GABPA: variants seen among roughly 807,000 people sequenced by gnomAD.
GABPA encodes GA-binding protein alpha chain.
A neutral mutation model predicts 59.4 loss-of-function variants in GABPA; 4 were observed. That is an observed-to-expected ratio of 0.07 (90% CI 0.03 to 0.15). The LOEUF (loss-of-function observed/expected upper bound fraction) is 0.15, where lower values mean the gene tolerates loss of function less well. Ranked by LOEUF, GABPA falls within the 10% of genes least tolerant of loss-of-function variation. The pLI is 1.00. For synonymous variants in GABPA, 164 were observed against 183.1 expected, an observed-to-expected ratio of 0.90 and a Z score of 0.84; for missense variants, 251 against 543.8, an observed-to-expected ratio of 0.46 and a Z score of 5.36.
At chr21:25,754,284 G>T (rs1252373180) in intron 5 of GABPA, among the ~76,000 whole-genome samples, 3 of 152,132 alleles carry the variant, frequency 2.0e-5, no homozygotes, top group Non-Finnish European at 4.4e-5. Flanking sequence ...ATAATGGTCT[G>T]CATTGTATTT....
intron 6 of GABPA, among the ~76,000 whole-genome samples, chr21:25,762,002 T>TA (rs1201160341): frequency 1.3e-5 from 2 of 152,220 alleles, no homozygotes; most frequent in African/African-American, 2.4e-5. Flanking sequence ...TCCATATTTT[T>TA]ACATGGCTTT....
chr21:25,753,520 T>C (rs1228697132), intron 5 of GABPA, among the ~76,000 whole-genome samples: 1 of 152,154 alleles, frequency 6.6e-6, no homozygotes, highest in Admixed American at 6.5e-5. Flanking sequence ...AACTTATATG[T>C]ATAGTGTCAC....
At chr21:25,735,910 G>T (rs759518662) in intron 1 of GABPA, among the ~76,000 whole-genome samples, 48 of 152,152 alleles carry the variant, frequency 3.2e-4, no homozygotes, top group Non-Finnish European at 6.6e-4. Context: ...GCACTCCTCA[G>T]CAGTCTCAGC....
At chr21:25,737,888 A>T (rs1048077335) in intron 1 of GABPA, among the ~76,000 whole-genome samples, 2 of 152,122 alleles carry the variant, frequency 1.3e-5, no homozygotes, top group Admixed American at 6.5e-5. Context: ...TGTGGACATT[A>T]TTTCCTTTTA....
At chr21:25,749,205 G>GT (rs1049830242) in intron 4 of GABPA, 85 bp downstream of exon 4, 2 of 770,488 alleles carry the variant, frequency 2.6e-6, no homozygotes, top group Non-Finnish European at 4.3e-6. Flanking sequence ...GTTTTCGATG[G>GT]TTGTCTACAT....
chr21:25,753,552 G>C (rs973521895), intron 5 of GABPA, among the ~76,000 whole-genome samples: 6 of 152,206 alleles, frequency 3.9e-5, no homozygotes, highest in Non-Finnish European at 5.9e-5. Flanking sequence ...GGAGAGTTTG[G>C]ATGGTCAAGA....
intron 3 of GABPA, among the ~76,000 whole-genome samples, chr21:25,748,091 A>G (rs1226785686): frequency 6.6e-6 from 1 of 152,116 alleles, no homozygotes; most frequent in Non-Finnish European, 1.5e-5. Context: ...ATTTGTGTAT[A>G]GACAGGGTTT....
chr21:25,763,894 G>A lies in GABPA; in HGVS notation c.803-316G>A, dbSNP rs931760062. Among the ~76,000 whole-genome samples, 5 of 150,150 alleles carry A rather than the reference G, an allele frequency of 3.3e-5. No individual in the cohort carries two copies. The East Asian group carries it at 9.9e-4, about 30-fold the overall frequency. On this transcript the variant is annotated intron_variant, in intron 7 of 9. Transcript: ENST00000400075. Reference sequence around the variant, plus strand: ...TTTAGTACAATATATTTGACAAACCGTTTTTATGAACAAATGTTTTAAGAA... The same window carrying A: ...TTTAGTACAATATATTTGACAAACCATTTTTATGAACAAATGTTTTAAGAA...
intron 1 of GABPA, among the ~76,000 whole-genome samples, chr21:25,736,953 A>G (rs910038391): frequency 5.3e-5 from 8 of 152,104 alleles, no homozygotes; most frequent in Admixed American, 3.9e-4. Context: ...GTACCCCCAC[A>G]CTCCACTTAT....
intron 2 of GABPA, among the ~76,000 whole-genome samples, chr21:25,744,275 T>C (rs1199633010): frequency 6.6e-6 from 1 of 152,068 alleles, no homozygotes; most frequent in Non-Finnish European, 1.5e-5. Flanking sequence ...GAAGATCAGT[T>C]GAGCTCAGGA....
chr21:25,759,857 A>G (rs757848341), intron 6 of GABPA, among the ~76,000 whole-genome samples: 1 of 152,172 alleles, frequency 6.6e-6, no homozygotes, highest in South Asian at 2.1e-4. Flanking sequence ...TAGTGCATAG[A>G]TGGTAGTTTC....
At chr21:25,739,796 T>G (rs2035173457) in intron 1 of GABPA, among the ~76,000 whole-genome samples, 1 of 152,156 alleles carries the variant, frequency 6.6e-6, no homozygotes, top group African/African-American at 2.4e-5. Context: ...AAAAATGTTT[T>G]TATAGGAGAC....
intron 5 of GABPA, among the ~76,000 whole-genome samples, chr21:25,753,331 T>A (rs1190280521): frequency 1.3e-5 from 2 of 152,208 alleles, no homozygotes; most frequent in East Asian, 1.9e-4. Flanking sequence ...AAAGATGTTA[T>A]ATGAGACTCA....
rs368211500 is a variant in GABPA at position 25,749,138 on chromosome 21, A to G, written c.307+18A>G. The stretch of plus-strand genomic sequence containing the variant: ...TTACCAAGGTAAGTTACTTTTCATG[A>G]TAGTTATTTAAAATTTTAGCTCATG... On this transcript the variant is annotated intron_variant, in intron 4 of 9. Transcript: ENST00000400075. The G allele has an allele frequency of 1.4e-6, 2 of 1,393,006 alleles. No homozygotes were observed. Among genetic ancestry groups the G allele is most frequent in the Non-Finnish European group, 2.0e-6 (2 of 993,792 alleles). The allele number at this position is 1,393,006 out of a possible 1,614,324, so 86.3% of individuals were successfully genotyped here.
intron 9 of GABPA, among the ~76,000 whole-genome samples, chr21:25,766,484 T>C (rs1443010523): frequency 6.6e-6 from 1 of 151,970 alleles, no homozygotes; most frequent in Non-Finnish European, 1.5e-5. Context: ...GACAGAAGTA[T>C]CTAGAATATC....
At chr21:25,753,560 A>G (rs2035564147) in intron 5 of GABPA, among the ~76,000 whole-genome samples, 2 of 152,328 alleles carry the variant, frequency 1.3e-5, no homozygotes, top group East Asian at 3.9e-4. Flanking sequence ...TGGATGGTCA[A>G]GACTCTCAGA....
intron 6 of GABPA, among the ~76,000 whole-genome samples, chr21:25,758,691 A>G (rs2035694090): frequency 6.6e-6 from 1 of 152,182 alleles, no homozygotes. Context: ...AGTCTTTACT[A>G]TTAATTGAAT....
chr21:25,741,729 A>T, intron 2 of GABPA, 54 bp downstream of exon 2: 1 of 1,110,600 alleles, frequency 9.0e-7, no homozygotes, highest in Non-Finnish European at 1.3e-6. Context: ...TACCTAATTA[A>T]AACCAGGAAA....
At chr21:25,751,816 T>C (rs1480744560) in intron 4 of GABPA, among the ~76,000 whole-genome samples, 173 bp from the exon 5 acceptor site, 1 of 152,184 alleles carries the variant, frequency 6.6e-6, no homozygotes, top group Admixed American at 6.5e-5. Flanking sequence ...GCAAGACTAG[T>C]AAAAGAATTC....
Sources: gnomAD v4.1 joint callset for allele counts (sites outside exome capture counted in the v4.1 genomes callset) on GRCh38, gnomAD v4.1.1 for gene constraint, MANE v1.5 for transcripts, NCBI Gene and HGNC (gene_info 2026-07-23, HGNC 2026-07-21) for gene names.